Variants in VPS13B observed in about 807,000 individuals in gnomAD.
VPS13B encodes the protein intermembrane lipid transfer protein VPS13B.
Under a neutral mutation model 426.4 loss-of-function variants are expected in VPS13B, and 285 were observed. The observed-to-expected ratio is 0.67, with a 90% CI of 0.61 to 0.74. The LOEUF (loss-of-function observed/expected upper bound fraction) is 0.74. VPS13B is among the 30% of genes least tolerant of loss of function. VPS13B has a pLI of 0.00. For missense variants in VPS13B, 4,537 were observed against 4,782.6 expected, an observed-to-expected ratio of 0.95 and a Z score of 1.51; for synonymous variants, 1,676 against 1,676.4, an observed-to-expected ratio of 1.00 and a Z score of 0.01.
chr8:99,594,834 C>T (rs1156272329), intron 33 of VPS13B, among the ~76,000 whole-genome samples: 2 of 151,956 alleles, frequency 1.3e-5, no homozygotes, highest in Non-Finnish European at 2.9e-5. Context: ...CACTGCTTTG[C>T]TCTGCTCACC....
At chr8:99,247,638 G>C (rs1817292994) in intron 17 of VPS13B, among the ~76,000 whole-genome samples, 1 of 152,110 alleles carries the variant, frequency 6.6e-6, no homozygotes, top group Non-Finnish European at 1.5e-5. Flanking sequence ...TATTCCCCTG[G>C]AATGATGTGT....
At chr8:99,823,787 G>A (rs377438883) in intron 50 of VPS13B, 45 bp from the exon 51 acceptor site, 21 of 1,585,920 alleles carry the variant, frequency 1.3e-5, no homozygotes, top group Non-Finnish European at 1.7e-5. Flanking sequence ...ATTTTGATAT[G>A]CCTTACAGTA....
At chr8:99,798,624 A>G (rs1367822172) in intron 43 of VPS13B, among the ~76,000 whole-genome samples, 1 of 152,158 alleles carries the variant, frequency 6.6e-6, no homozygotes, top group Non-Finnish European at 1.5e-5. Flanking sequence ...GAATGGGGAT[A>G]TTTCAAGTGC....
chr8:99,775,321 C>T (rs1811687696), intron 40 of VPS13B, among the ~76,000 whole-genome samples: 1 of 152,130 alleles, frequency 6.6e-6, no homozygotes, highest in Non-Finnish European at 1.5e-5. Flanking sequence ...CCTTAGGCTC[C>T]TCATGGATTT....
chr8:99,624,913 G>A (rs746898546), intron 33 of VPS13B, among the ~76,000 whole-genome samples: 1 of 151,684 alleles, frequency 6.6e-6, no homozygotes, highest in Non-Finnish European at 1.5e-5. Context: ...CGCCTCCCAG[G>A]TTCAAGTGAT....
chr8:99,087,418 G>C (rs998516731), intron 3 of VPS13B, among the ~76,000 whole-genome samples: 1 of 152,154 alleles, frequency 6.6e-6, no homozygotes, highest in African/African-American at 2.4e-5. Context: ...GTGAGGCAGT[G>C]CCTCACCCTG....
intron 19 of VPS13B, among the ~76,000 whole-genome samples, chr8:99,312,685 C>T (rs1821068473): frequency 1.3e-5 from 2 of 152,104 alleles, no homozygotes; most frequent in East Asian, 1.9e-4. Flanking sequence ...TTGTGGCGTT[C>T]TCTGTATTTC....
At chr8:99,734,213 G>T (rs1833720997) in intron 39 of VPS13B, among the ~76,000 whole-genome samples, 2 of 152,072 alleles carry the variant, frequency 1.3e-5, no homozygotes, top group Admixed American at 1.3e-4. Context: ...ATTCCTTTCT[G>T]TTGCCAAATG....
chr8:99,091,966 CT>C (rs1196723308), intron 3 of VPS13B: 2 of 152,244 alleles, frequency 1.3e-5, no homozygotes, highest in Non-Finnish European at 2.9e-5. Flanking sequence ...TTTCCTGCAT[CT>C]TAACCTCTTG....
chr8:99,591,511 C>T (rs946028736), intron 33 of VPS13B, among the ~76,000 whole-genome samples: 4 of 151,936 alleles, frequency 2.6e-5, no homozygotes, highest in East Asian at 1.9e-4. Flanking sequence ...TTCCATGTTT[C>T]GTGCTTCCTT....
At chr8:99,040,451 G>T (rs1842921549) in intron 3 of VPS13B, among the ~76,000 whole-genome samples, 1 of 152,116 alleles carries the variant, frequency 6.6e-6, no homozygotes, top group Non-Finnish European at 1.5e-5. Context: ...AATTGCAGTT[G>T]ACATTTGGAC....
chr8:99,663,116 T>A (rs1371184768), intron 35 of VPS13B, among the ~76,000 whole-genome samples: 4 of 152,118 alleles, frequency 2.6e-5, no homozygotes, highest in African/African-American at 4.8e-5. Flanking sequence ...TCTCTAGCAA[T>A]ACCCCGCAAG....
intron 39 of VPS13B, among the ~76,000 whole-genome samples, chr8:99,732,592 A>G (rs1367771593): frequency 6.6e-6 from 1 of 152,242 alleles, no homozygotes; most frequent in Non-Finnish European, 1.5e-5. Flanking sequence ...CATCACAGCC[A>G]TAACACCAAG....
At chr8:99,493,332 T>A (rs1284720857) in intron 25 of VPS13B, among the ~76,000 whole-genome samples, 6 of 152,204 alleles carry the variant, frequency 3.9e-5, no homozygotes, top group Non-Finnish European at 1.5e-5. Flanking sequence ...CCTCTTGTCC[T>A]ACTCTCTAGA....
intron 24 of VPS13B, among the ~76,000 whole-genome samples, chr8:99,472,983 T>C (rs1405490798): frequency 6.6e-6 from 1 of 151,980 alleles, no homozygotes; most frequent in African/African-American, 2.4e-5. Flanking sequence ...CAAAACCAAA[T>C]AGCTCTATAT....
At chr8:99,535,540 A>T (rs1315215150) in intron 30 of VPS13B, among the ~76,000 whole-genome samples, 1 of 152,222 alleles carries the variant, frequency 6.6e-6, no homozygotes, top group African/African-American at 2.4e-5. Context: ...AAGGTAATGA[A>T]AAATACAAAC....
chr8:99,676,609 C>T (rs946473572), intron 35 of VPS13B, among the ~76,000 whole-genome samples: 1 of 151,846 alleles, frequency 6.6e-6, no homozygotes, highest in Non-Finnish European at 1.5e-5. Context: ...GTCCTTCCTA[C>T]TCTCTTAAGT....
At chr8:99,869,249 C>T (rs1311358552) in intron 59 of VPS13B, among the ~76,000 whole-genome samples, 7 of 152,210 alleles carry the variant, frequency 4.6e-5, no homozygotes, top group African/African-American at 9.6e-5. Context: ...ACGACAGAAG[C>T]GCCCTCCCGT....
At chr8:99,715,963 T>G in intron 36 of VPS13B, among the ~76,000 whole-genome samples, 1 of 152,138 alleles carries the variant, frequency 6.6e-6, no homozygotes, top group East Asian at 1.9e-4. Flanking sequence ...CCTGTTTCTA[T>G]TTCTTTTATT....
Sources: allele counts gnomAD v4.1 joint callset (sites outside exome capture counted in the v4.1 genomes callset), GRCh38; gene constraint gnomAD v4.1.1; transcripts MANE v1.5; gene names NCBI Gene and HGNC (gene_info 2026-07-23, HGNC 2026-07-21).